RXRA: variants seen among roughly 807,000 people sequenced by gnomAD.
RXRA encodes the protein retinoid X receptor alpha, also known as retinoic acid receptor RXR-alpha.
In RXRA, 5 loss-of-function variants were observed where a neutral mutation model predicts 44.5. The ratio of observed to expected loss-of-function variants is 0.11; its 90% CI spans 0.06 to 0.24. The LOEUF (loss-of-function observed/expected upper bound fraction) is 0.24. Ranked by LOEUF, RXRA falls within the 10% of genes least tolerant of loss-of-function variation. The pLI is 1.00. For synonymous variants in RXRA, 291 were observed against 271.4 expected (o/e 1.07, Z -0.71); for missense variants, 412 against 646.5 (o/e 0.64, Z 3.93).
intron 5 of RXRA, among the ~76,000 whole-genome samples, chr9:134,420,761 C>T (rs1192609683): frequency 6.6e-6 from 1 of 152,222 alleles, no homozygotes; most frequent in Non-Finnish European, 1.5e-5. Context: ...TTGCTCAGGA[C>T]ACAGAAGGTC....
intron 8 of RXRA, among the ~76,000 whole-genome samples, chr9:134,432,918 C>T (rs1339290843): frequency 1.3e-5 from 2 of 152,122 alleles, no homozygotes; most frequent in African/African-American, 2.4e-5. Flanking sequence ...TGAGGGGTTC[C>T]AGCCGGGAGG....
chr9:134,422,491 C>A lies in RXRA; in HGVS notation c.910+686C>A, dbSNP rs533490592. 1.4e-5 allele frequency: 16 copies of A among 1,176,658 alleles called. No individual in the cohort carries two copies. In the East Asian group the frequency reaches 6.5e-4, roughly 48 times the overall value. 72.9% of individuals were successfully genotyped at this position (1,176,658 alleles called of 1,614,324 possible). On this transcript the variant is annotated intron_variant, in intron 6 of 9. Transcript: ENST00000481739. Reference sequence around the variant, plus strand: ...ACTCCCTGCTACCGGGACACTCCCCCCTCCCAGGACACTCCCCTCTCCCGG... The same window carrying A: ...ACTCCCTGCTACCGGGACACTCCCCACTCCCAGGACACTCCCCTCTCCCGG...
At position 134,407,703 on chromosome 9, in the gene RXRA, A is replaced by C. The variant is rs984744178; in HGVS notation, c.280-446A>C. On this transcript the variant is annotated intron_variant, in intron 2 of 9. Coordinates refer to ENST00000481739, the MANE Select transcript of RXRA (RefSeq NM_002957.6). This position sits in a 1 kb window ranked among gnomAD's most constrained non-coding sequence, Gnocchi z 4.8. ...TCCCCAGCCCTCCTCCGTCCTGGGA[A>C]CTGGGCTTCGGCGTCCTCATGTGTG... Among the ~76,000 whole-genome samples, 1 of 151,948 alleles carries C rather than the reference A, an allele frequency of 6.6e-6. No individual in the cohort carries two copies. Among genetic ancestry groups the C allele is most frequent in the East Asian group, 1.9e-4 (1 of 5,142 alleles).
In RXRA at chr9:134,354,992, G is replaced by T. The variant is rs575353514; in HGVS notation, c.28+28333G>T. On this transcript the variant is annotated intron_variant, in intron 1 of 9. Coordinates refer to ENST00000481739, the MANE Select transcript of RXRA (RefSeq NM_002957.6). ...TGTCTGGAGCAGAGGGGCTCTGGGA[G>T]ACTGCATGAGCAGGGCCTCTGGTCT... Among the ~76,000 whole-genome samples the T allele has an allele frequency of 7.9e-5, 12 of 152,370 alleles. No homozygotes were observed. The South Asian group carries it at 2.1e-3, about 26-fold the overall frequency.
At chr9:134,340,114 C>T (rs62576309) in intron 1 of RXRA, among the ~76,000 whole-genome samples, 11,856 of 151,808 alleles carry the variant, frequency 0.078, 550 homozygotes, top group Middle Eastern at 0.13. Context: ...TCCCTGTGCC[C>T]GTGCTGTGTC....
intron 1 of RXRA, among the ~76,000 whole-genome samples, chr9:134,346,915 G>C (rs1272341466): frequency 1.3e-5 from 2 of 152,202 alleles, no homozygotes; most frequent in African/African-American, 4.8e-5. Flanking sequence ...TCTTACGGAG[G>C]GGGAGGGCAA....
chr9:134,377,319 G>A (rs981119951), intron 1 of RXRA, among the ~76,000 whole-genome samples: 1 of 152,208 alleles, frequency 6.6e-6, no homozygotes, highest in Non-Finnish European at 1.5e-5. Flanking sequence ...CATGGAAGGC[G>A]ATGGCGTTGT....
chr9:134,432,967 C>G (rs184750296), intron 8 of RXRA, among the ~76,000 whole-genome samples: 1 of 151,956 alleles, frequency 6.6e-6, no homozygotes, highest in Non-Finnish European at 1.5e-5. Flanking sequence ...CAGCTCATTG[C>G]GTGATAGGGG....
At chr9:134,333,073 G>T (rs1835030940) in intron 1 of RXRA, among the ~76,000 whole-genome samples, 1 of 152,150 alleles carries the variant, frequency 6.6e-6, no homozygotes, top group Non-Finnish European at 1.5e-5. Context: ...CCGTCCAGGG[G>T]GAGTAGAGCA....
chr9:134,397,668 G>C (rs1215036390), intron 1 of RXRA, among the ~76,000 whole-genome samples: 2 of 152,212 alleles, frequency 1.3e-5, no homozygotes, highest in Non-Finnish European at 2.9e-5. Context: ...CCTCGCCTGG[G>C]GTTCGGAGTC....
chr9:134,361,908 G>T lies in RXRA; in HGVS notation c.28+35249G>T, dbSNP rs182550551. 5.4e-3 allele frequency among the ~76,000 whole-genome samples: 827 copies of T among 152,330 alleles called. 6 individuals carry two copies. The highest frequency in any genetic ancestry group is 9.5e-3 in the Non-Finnish European group (645 of 68,020). On this transcript the variant is annotated intron_variant, in intron 1 of 9. Transcript: ENST00000481739. ...ATCTGTAGAATGGGGACAGCAGTGT[G>T]TTCATGCCCTGGGGGGCCAGGGTGT...
chr9:134,391,129 C>T (rs1222173243), intron 1 of RXRA, among the ~76,000 whole-genome samples: 1 of 152,194 alleles, frequency 6.6e-6, no homozygotes, highest in Non-Finnish European at 1.5e-5. Context: ...GGATGTCCCC[C>T]AGAGAGGCCG....
chr9:134,395,525 G>A (rs1232875076), intron 1 of RXRA, among the ~76,000 whole-genome samples: 1 of 152,236 alleles, frequency 6.6e-6, no homozygotes, highest in Non-Finnish European at 1.5e-5. Context: ...GCGGGCTGCA[G>A]TGAAGGAGAT....
chr9:134,415,373 G>A (rs969842956), intron 4 of RXRA, among the ~76,000 whole-genome samples: 5 of 152,012 alleles, frequency 3.3e-5, no homozygotes, highest in Non-Finnish European at 7.4e-5. Flanking sequence ...TCAGGAGAAA[G>A]TGGCGGCTGA....
chr9:134,330,209 G>T (rs1282024988), intron 1 of RXRA, among the ~76,000 whole-genome samples: 3 of 152,216 alleles, frequency 2.0e-5, no homozygotes, highest in Non-Finnish European at 4.4e-5. Flanking sequence ...GCTGGCTCAG[G>T]GCTGGGACAC....
In RXRA at chr9:134,407,365, C is replaced by G. The variant is rs574258856; in HGVS notation, c.280-784C>G. Among the ~76,000 whole-genome samples, 1 of 152,332 alleles carries G rather than the reference C, an allele frequency of 6.6e-6. No homozygotes were observed. The highest frequency in any genetic ancestry group is 2.1e-4 in the South Asian group (1 of 4,828). On this transcript the variant is annotated intron_variant, in intron 2 of 9. Transcript: ENST00000481739. The surrounding 1 kb of genome is among the most constrained non-coding windows in gnomAD (Gnocchi z 4.8). ...CCAAGCGCTTACCGCCCTGCGCAGC[C>G]AGGCTGGCTGGCAGGCTGCAGCGGG...
intron 1 of RXRA, among the ~76,000 whole-genome samples, chr9:134,350,297 C>T (rs1252771490): frequency 1.3e-5 from 2 of 152,242 alleles, no homozygotes; most frequent in Middle Eastern, 3.4e-3. Flanking sequence ...GTGCTGGCAT[C>T]GCTCTCTGGC....
In RXRA at chr9:134,326,667, C is replaced by A. The variant is rs1178304256; in HGVS notation, c.28+8C>A. 2.1e-6 allele frequency: 2 copies of A among 938,442 alleles called. No individual in the cohort carries two copies. The highest frequency in any genetic ancestry group is 1.3e-4 in the Admixed American group (2 of 15,382). The allele number at this position is 938,442 out of a possible 1,614,324, so 58.1% of individuals were successfully genotyped here. A position where few individuals can be genotyped will look rare whatever the true frequency, so the allele number is the denominator to read the frequency against. ...AACATTTCCTGCCGCTCGGTGAGTG[C>A]TCGCCGGGCCGGGCGGGGACGGGGC... is the stretch of plus-strand genomic sequence containing the variant. On this transcript the variant is annotated splice_region_variant and intron_variant, in intron 1 of 9. Coordinates refer to ENST00000481739, the MANE Select transcript of RXRA (RefSeq NM_002957.6).
intron 1 of RXRA, among the ~76,000 whole-genome samples, chr9:134,387,916 C>T (rs1830743471): frequency 6.6e-6 from 1 of 152,186 alleles, no homozygotes; most frequent in African/African-American, 2.4e-5. Flanking sequence ...AAGCCCCAGC[C>T]TCTTGCAGCA....
Sources: gnomAD v4.1 joint callset for allele counts (sites outside exome capture counted in the v4.1 genomes callset) on GRCh38, gnomAD v4.1.1 for gene constraint, Gnocchi (gnomAD v3.1) non-coding constraint, MANE v1.5 for transcripts, NCBI Gene and HGNC (gene_info 2026-07-23, HGNC 2026-07-21) for gene names.